Variants in STIP1 observed in about 807,000 individuals in gnomAD.
STIP1 encodes stress-induced-phosphoprotein 1.
A neutral mutation model predicts 77.4 loss-of-function variants in STIP1; 16 were observed. The observed-to-expected ratio is 0.21, with a 90% CI of 0.14 to 0.31. The LOEUF is 0.31. Ranked by LOEUF, STIP1 falls within the 10% of genes least tolerant of loss-of-function variation. STIP1 has a pLI of 1.00. For missense variants in STIP1, 524 were observed against 684.8 expected, an observed-to-expected ratio of 0.77 and a Z score of 2.62; for synonymous variants, 258 against 246.6, an observed-to-expected ratio of 1.05 and a Z score of -0.44.
Position 64,197,105 on chromosome 11 carries a change from C to T in STIP1, c.673-166C>T, listed in dbSNP as rs1359627814. 2.4e-5 allele frequency: 20 copies of T among 837,120 alleles called. No individual in the cohort carries two copies. In the East Asian group the frequency reaches 3.2e-4, roughly 14 times the overall value. 51.9% of individuals were successfully genotyped at this position (837,120 alleles called of 1,614,324 possible). ...AAGATGAAGTTAGTTTTCATTCTAA[C>T]GGCTGATACTTTATTGTCTATAGCT... On this transcript the variant is annotated intron_variant, in intron 5 of 13. Coordinates refer to ENST00000305218, the MANE Select transcript of STIP1 (RefSeq NM_006819.3).
chr11:64,197,256 C>G lies in STIP1; in HGVS notation c.673-15C>G. ...AGTTAGATTTGCTCAGCACTCACTT[C>G]TAAACCTCATCTAGGCACTGAAAGA... On this transcript the variant is annotated splice_polypyrimidine_tract_variant and intron_variant, in intron 5 of 13. Coordinates refer to ENST00000305218, the MANE Select transcript of STIP1 (RefSeq NM_006819.3). 2 of 1,613,932 alleles carry G rather than the reference C, an allele frequency of 1.2e-6. No homozygotes were observed. Among genetic ancestry groups the G allele is most frequent in the Non-Finnish European group, 1.7e-6 (2 of 1,180,000 alleles).
rs192500963 is a variant in STIP1, at chr11:64,195,152, C to T, written c.504-493C>T. ...TTTTCAAGATGGAGTCTCGCTCTGT[C>T]CCCTAGGCTGGAGTGCAGTGGTGTG... On this transcript the variant is annotated intron_variant, in intron 4 of 13. Coordinates refer to ENST00000305218, the MANE Select transcript of STIP1 (RefSeq NM_006819.3). 7.4e-5 allele frequency among the ~76,000 whole-genome samples: 11 copies of T among 148,124 alleles called. No homozygotes were observed. In the East Asian group the frequency reaches 1.4e-3, roughly 18 times the overall value.
intron 2 of STIP1, 103 bp from the exon 3 acceptor site, chr11:64,194,086 A>G (rs1946121057): frequency 1.4e-6 from 2 of 1,470,676 alleles, no homozygotes; most frequent in South Asian, 1.3e-5. Context: ...TCATGTGAAT[A>G]CTCATTTTTC....
At chr11:64,190,749 C>T (rs1035381708) in intron 1 of STIP1, among the ~76,000 whole-genome samples, 3 of 152,122 alleles carry the variant, frequency 2.0e-5, no homozygotes, top group Admixed American at 6.5e-5. Flanking sequence ...GGTGGTTCAC[C>T]TTTGGGAGAC....
intron 2 of STIP1, 142 bp from the exon 3 acceptor site, chr11:64,194,047 T>C: frequency 1.7e-6 from 2 of 1,188,570 alleles, no homozygotes; most frequent in Non-Finnish European, 2.4e-6. Flanking sequence ...CCTCGTAGCC[T>C]ACTCCTCTCC....
At chr11:64,202,813 A>C in intron 10 of STIP1, 63 bp from the exon 11 acceptor site, 2 of 1,596,482 alleles carry the variant, frequency 1.3e-6, no homozygotes, top group Non-Finnish European at 1.7e-6. Flanking sequence ...CACATGCTTG[A>C]GTTGCCTGTA....
At chr11:64,185,989 G>T, upstream of STIP1, 1 of 1,541,690 alleles carries the variant, frequency 6.5e-7, no homozygotes, top group African/African-American at 1.4e-5. Context: ...GTTTATAGAG[G>T]AGCGCCCAAT....
chr11:64,186,168 G>A, upstream of STIP1: 3 of 1,550,310 alleles, frequency 1.9e-6, no homozygotes, highest in Non-Finnish European at 2.6e-6. Flanking sequence ...CCGGGGTCCC[G>A]GTAGCTTCTA....
At chr11:64,203,658 G>A in intron 13 of STIP1, 36 bp downstream of exon 13, 1 of 1,613,732 alleles carries the variant, frequency 6.2e-7, no homozygotes, top group Non-Finnish European at 8.5e-7. Flanking sequence ...TGCTGGAAAT[G>A]GAGAACAAAA....
intron 2 of STIP1, 122 bp from the exon 3 acceptor site, chr11:64,194,067 C>G: frequency 7.3e-7 from 1 of 1,373,056 alleles, no homozygotes; most frequent in South Asian, 1.4e-5. Flanking sequence ...CTTTTTTTCT[C>G]TTTGGCCTTC....
At chr11:64,195,896 T>G in intron 5 of STIP1, 83 bp downstream of exon 5, 1 of 1,563,334 alleles carries the variant, frequency 6.4e-7, no homozygotes, top group Non-Finnish European at 8.7e-7. Flanking sequence ...CTGTTGACCT[T>G]GATTGACCAT....
rs890650722 is a variant in STIP1, at chr11:64,192,958, T to C, written c.10-120T>C. ...AAATAAATGAACCGGTTTTCTCTCT[T>C]CTGATCTGTAAAGTCACCTATTTAT... On this transcript the variant is annotated intron_variant, in intron 1 of 13. Transcript: ENST00000305218. 3.1e-6 allele frequency: 3 copies of C among 954,786 alleles called. No homozygotes were observed. The African/African-American group carries it at 4.9e-5, about 16-fold the overall frequency. The allele number at this position is 954,786 out of a possible 1,614,324, so 59.1% of individuals were successfully genotyped here.
chr11:64,187,783 C>CCT, intron 1 of STIP1, among the ~76,000 whole-genome samples: 1 of 152,036 alleles, frequency 6.6e-6, no homozygotes, highest in East Asian at 1.9e-4. Flanking sequence ...AGGCGGATCA[C>CCT]GAGGTCAGGA....
intron 8 of STIP1, among the ~76,000 whole-genome samples, chr11:64,198,753 G>GGTT (rs1555042778): frequency 7.2e-5 from 8 of 111,030 alleles, no homozygotes; most frequent in Non-Finnish European, 1.2e-4. Context: ...TTTTTTTGTG[G>GGTT]TTTTTTTTTT....
intron 1 of STIP1, 112 bp downstream of exon 1, chr11:64,186,382 C>T (rs1035652053): frequency 1.7e-5 from 6 of 350,870 alleles, no homozygotes; most frequent in African/African-American, 9.2e-5. Flanking sequence ...GAGCTCGGCG[C>T]TGGGGCCGGA....
At chr11:64,189,525 C>CA (rs35227357) in intron 1 of STIP1, among the ~76,000 whole-genome samples, 58 of 139,926 alleles carry the variant, frequency 4.1e-4, no homozygotes, top group South Asian at 6.7e-4. Flanking sequence ...ACTGCATCTC[C>CA]AAAAAAAAAA....
At chr11:64,199,506 CAA>C (rs148843567) in intron 8 of STIP1, among the ~76,000 whole-genome samples, 6 of 100,514 alleles carry the variant, frequency 6.0e-5, no homozygotes, top group Admixed American at 1.2e-4. Context: ...GACTCTATCT[CAA>C]AAAAAAAAAA....
chr11:64,185,521 G>A, upstream of STIP1: 2 of 413,860 alleles, frequency 4.8e-6, no homozygotes, highest in Non-Finnish European at 8.8e-6. Context: ...TCGAGGGACA[G>A]GCAGCTCCCA....
upstream of STIP1, chr11:64,185,984 T>C (rs1399650888): frequency 6.5e-7 from 1 of 1,541,116 alleles, no homozygotes; most frequent in Non-Finnish European, 8.7e-7. Flanking sequence ...GGTGGGTTTA[T>C]AGAGGAGCGC....
Sources: allele counts gnomAD v4.1 joint callset (sites outside exome capture counted in the v4.1 genomes callset), GRCh38; gene constraint gnomAD v4.1.1; transcripts MANE v1.5; gene names NCBI Gene and HGNC (gene_info 2026-07-23, HGNC 2026-07-21).